Variants in NRXN3 observed in about 807,000 individuals in gnomAD.
NRXN3 encodes neurexin 3, also known as neurexin III.
In NRXN3, 32 loss-of-function variants were observed where a neutral mutation model predicts 137.6. The ratio of observed to expected loss-of-function variants is 0.23; its 90% CI spans 0.18 to 0.31. The LOEUF (loss-of-function observed/expected upper bound fraction) is 0.31. Ranked by LOEUF, NRXN3 falls within the 10% of genes least tolerant of loss-of-function variation. The pLI is 1.00. For missense variants in NRXN3, 1,574 were observed against 2,062.5 expected (o/e 0.76, Z 4.59); for synonymous variants, 798 against 784.5 (o/e 1.02, Z -0.29).
chr14:78,777,325 A>G (rs1006914105), intron 8 of NRXN3, among the ~76,000 whole-genome samples: 2 of 152,174 alleles, frequency 1.3e-5, no homozygotes, highest in African/African-American at 4.8e-5. Flanking sequence ...GAGAATTTCA[A>G]TTCCATTTTT....
At chr14:78,874,066 G>T (rs2099107854) in intron 10 of NRXN3, among the ~76,000 whole-genome samples, 1 of 151,028 alleles carries the variant, frequency 6.6e-6, no homozygotes. Flanking sequence ...CTGCCTCCCA[G>T]GTTCAAGTGG....
At chr14:79,336,372 GA>G (rs1301983719) in intron 15 of NRXN3, among the ~76,000 whole-genome samples, 1 of 152,152 alleles carries the variant, frequency 6.6e-6, no homozygotes, top group Non-Finnish European at 1.5e-5. Context: ...TTTCCCAAAA[GA>G]AAACCGGGCA....
chr14:78,456,859 C>CTTTCTTTCTTTT (rs1567645300), intron 4 of NRXN3, among the ~76,000 whole-genome samples: 2 of 81,232 alleles, frequency 2.5e-5, no homozygotes, highest in Admixed American at 1.2e-4. Flanking sequence ...CTTTCTTTTT[C>CTTTCTTTCTTTT]TCTTTCTTTC....
At chr14:79,562,279 A>G (rs2097505115) in intron 16 of NRXN3, among the ~76,000 whole-genome samples, 2 of 152,170 alleles carry the variant, frequency 1.3e-5, no homozygotes, top group African/African-American at 4.8e-5. Context: ...GCTGCAAATT[A>G]TAGGCCCTAT....
At chr14:78,254,186 A>G (rs975576874) in intron 2 of NRXN3, among the ~76,000 whole-genome samples, 1 of 152,182 alleles carries the variant, frequency 6.6e-6, no homozygotes, top group Non-Finnish European at 1.5e-5. Context: ...GATTTGATGT[A>G]AGCAGGTGAC....
At chr14:78,209,888 C>T (rs186862650) in intron 1 of NRXN3, among the ~76,000 whole-genome samples, 2 of 152,254 alleles carry the variant, frequency 1.3e-5, no homozygotes, top group East Asian at 1.9e-4. Context: ...TTCCTGAGTA[C>T]TTGTCACCAT....
chr14:78,880,015 G>A (rs1335987649), intron 10 of NRXN3, among the ~76,000 whole-genome samples: 2 of 141,330 alleles, frequency 1.4e-5, no homozygotes, highest in African/African-American at 3.2e-5. Context: ...CGAGGCGGGC[G>A]GATCACGAGG....
At chr14:79,737,042 G>A (rs2098944340) in intron 19 of NRXN3, among the ~76,000 whole-genome samples, 1 of 152,166 alleles carries the variant, frequency 6.6e-6, no homozygotes, top group African/African-American at 2.4e-5. Flanking sequence ...GCATCCAGAT[G>A]TTCACAACAT....
At chr14:79,770,106 G>A (rs576972966) in intron 19 of NRXN3, among the ~76,000 whole-genome samples, 2 of 151,740 alleles carry the variant, frequency 1.3e-5, no homozygotes, top group African/African-American at 4.8e-5. Flanking sequence ...CAATACAGGA[G>A]CACCCAGATT....
Position 79,731,643 on chromosome 14 carries a change from C to CTT in NRXN3, c.4014+33719_4014+33720dup, listed in dbSNP as rs530011034. Among the ~76,000 whole-genome samples, 1,052 of 140,096 alleles carry CTT rather than the reference C, an allele frequency of 7.5e-3. 9 individuals are homozygous for CTT. The highest frequency in any genetic ancestry group is 0.014 in the African/African-American group (543 of 37,952). The allele number at this position is 140,096 out of a possible 152,430, so 91.9% of individuals were successfully genotyped here. A position where few individuals can be genotyped will look rare whatever the true frequency, so the allele number is the denominator to read the frequency against. ...AAATGACCTATTTTTTCCCTTCCTT[C>CTT]TTTTTTTTTTTTTTGTATTTTTAGT... On this transcript the variant is annotated intron_variant, in intron 19 of 20. Coordinates refer to ENST00000335750, the MANE Select transcript of NRXN3 (RefSeq NM_001330195.2).
chr14:78,399,986 C>A (rs956283215), intron 4 of NRXN3, among the ~76,000 whole-genome samples: 4 of 152,184 alleles, frequency 2.6e-5, no homozygotes, highest in African/African-American at 9.6e-5. Flanking sequence ...ACTACATTTA[C>A]TATTCTTTGT....
At chr14:79,489,386 C>A (rs2096689835) in intron 16 of NRXN3, among the ~76,000 whole-genome samples, 1 of 152,050 alleles carries the variant, frequency 6.6e-6, no homozygotes, top group Non-Finnish European at 1.5e-5. Context: ...GAATTGGTGC[C>A]AATGGCACAC....
At chr14:79,673,546 G>A (rs951991218) in intron 17 of NRXN3, among the ~76,000 whole-genome samples, 1 of 152,078 alleles carries the variant, frequency 6.6e-6, no homozygotes, top group East Asian at 1.9e-4. Context: ...ACTAACTGCT[G>A]TTGCCTTTAA....
chr14:79,751,581 T>C (rs1188293822), intron 19 of NRXN3, among the ~76,000 whole-genome samples: 1 of 152,146 alleles, frequency 6.6e-6, no homozygotes, highest in Non-Finnish European at 1.5e-5. Context: ...CCTGCCTAAT[T>C]GCCCTGGCTA....
chr14:79,662,066 C>G (rs943859607), intron 16 of NRXN3, among the ~76,000 whole-genome samples: 2 of 152,210 alleles, frequency 1.3e-5, no homozygotes, highest in East Asian at 3.9e-4. Context: ...CCTGGCACTT[C>G]TCCTTCCTGC....
At chr14:79,094,979 A>AGT (rs1555740770) in intron 15 of NRXN3, among the ~76,000 whole-genome samples, 21 of 115,926 alleles carry the variant, frequency 1.8e-4, no homozygotes, top group Admixed American at 4.5e-4. Context: ...AGAGAGAGAG[A>AGT]GTGTGTGTGT....
At chr14:79,566,494 T>C (rs1054267720) in intron 16 of NRXN3, among the ~76,000 whole-genome samples, 41 of 152,088 alleles carry the variant, frequency 2.7e-4, no homozygotes, top group South Asian at 4.1e-4. Context: ...CTTGCTGTGA[T>C]TTTTGCCCCC....
At chr14:79,655,881 C>T (rs1408877312) in intron 16 of NRXN3, among the ~76,000 whole-genome samples, 1 of 152,122 alleles carries the variant, frequency 6.6e-6, no homozygotes, top group Non-Finnish European at 1.5e-5. Flanking sequence ...GGTTCCTAAA[C>T]TTTAGCATCT....
At chr14:79,773,346 T>C (rs909799464) in intron 19 of NRXN3, among the ~76,000 whole-genome samples, 11 of 152,008 alleles carry the variant, frequency 7.2e-5, no homozygotes, top group Non-Finnish European at 1.2e-4. Flanking sequence ...TATTGCGGCA[T>C]TATTCACAAC....
Sources: gnomAD v4.1 joint callset for allele counts (sites outside exome capture counted in the v4.1 genomes callset) on GRCh38, gnomAD v4.1.1 for gene constraint, MANE v1.5 for transcripts, NCBI Gene and HGNC (gene_info 2026-07-23, HGNC 2026-07-21) for gene names.